Variants in ACBD3 observed in about 807,000 individuals in gnomAD.
ACBD3 encodes the protein acyl-CoA binding domain containing 3.
A neutral mutation model predicts 66.9 loss-of-function variants in ACBD3; 30 were observed. The ratio of observed to expected loss-of-function variants is 0.45; its 90% CI spans 0.34 to 0.61. The LOEUF is 0.61. Ranked by LOEUF, ACBD3 falls within the 20% of genes least tolerant of loss-of-function variation. The pLI, the probability that ACBD3 is intolerant of heterozygous loss-of-function variation, is 0.02. For missense variants in ACBD3, 544 were observed against 664.5 expected (o/e 0.82, Z 1.99); for synonymous variants, 278 against 259.8 (o/e 1.07, Z -0.68).
At chr1:226,173,919 C>G (rs1377495024) in intron 1 of ACBD3, among the ~76,000 whole-genome samples, 2 of 151,778 alleles carry the variant, frequency 1.3e-5, no homozygotes, top group Non-Finnish European at 2.9e-5. Flanking sequence ...TGCACTACCA[C>G]ACCTAGCTAA....
intron 1 of ACBD3, among the ~76,000 whole-genome samples, chr1:226,169,083 C>T (rs1376386967): frequency 2.0e-5 from 3 of 151,936 alleles, no homozygotes; most frequent in Admixed American, 2.0e-4. Flanking sequence ...GGCTGGTCTC[C>T]AACTTCTGAC....
Position 226,145,196 on chromosome 1 carries a change from G to A in ACBD3, c.*1414C>T, listed in dbSNP as rs1659424252. On this transcript the variant is annotated 3_prime_UTR_variant, in exon 8 of 8. Coordinates refer to ENST00000366812, the MANE Select transcript of ACBD3 (RefSeq NM_022735.4). The stretch of plus-strand genomic sequence containing the variant: ...GTTTCTGAACAACCAAAAGAGAACA[G>A]AGTTAGATATGTACAAAACCAGGTA... The A allele has an allele frequency of 6.6e-6, 1 of 152,398 alleles. No homozygotes were observed. Among genetic ancestry groups the A allele is most frequent in the African/African-American group, 2.4e-5 (1 of 41,376 alleles). 9.4% of individuals were successfully genotyped at this position (152,398 alleles called of 1,614,324 possible).
chr1:226,154,006 GC>G (rs1191159473), intron 6 of ACBD3, among the ~76,000 whole-genome samples: 1 of 152,158 alleles, frequency 6.6e-6, no homozygotes, highest in East Asian at 1.9e-4. Flanking sequence ...CAGGAATTGA[GC>G]TTCCAGCCAA....
chr1:226,176,569 T>A (rs1656038894), intron 1 of ACBD3, among the ~76,000 whole-genome samples: 1 of 152,218 alleles, frequency 6.6e-6, no homozygotes. Flanking sequence ...TTTGCTTTGC[T>A]TGTGGTCATA....
Position 226,152,556 on chromosome 1 carries a change from T to C in ACBD3, c.1154A>G (p.Glu385Gly). The C allele has an allele frequency of 1.9e-6, 3 of 1,614,224 alleles. No individual in the cohort carries two copies. Among genetic ancestry groups the C allele is most frequent in the Non-Finnish European group, 2.5e-6 (3 of 1,180,044 alleles). Residue 385 changes from glutamate (E) to glycine (G), a missense_variant, in exon 7 of 8, where the codon GAG becomes GGG. Transcript: ENST00000366812. ...WTRPQIKDFK[E>G]KIQQDADSVI... Reference sequence around the variant, plus strand: ...GGAATCTGCATCCTGCTGAATCTTCTCTTTGAAGTCTTTGATCTGAGGTCG... The same window carrying C: ...GGAATCTGCATCCTGCTGAATCTTCCCTTTGAAGTCTTTGATCTGAGGTCG...
In ACBD3 at chr1:226,154,852, T is replaced by C; in HGVS notation, c.904-19A>G. ...ATGCTGCCTACAAACCAAGAGAAAGTGAAGACACACTGACCAGGAAGGCTA... is the reference window on the plus strand; with the variant it reads ...ATGCTGCCTACAAACCAAGAGAAAGCGAAGACACACTGACCAGGAAGGCTA... On this transcript the variant is annotated intron_variant, in intron 5 of 7. Coordinates refer to ENST00000366812, the MANE Select transcript of ACBD3 (RefSeq NM_022735.4). The C allele has an allele frequency of 2.5e-6, 4 of 1,589,912 alleles. No individual in the cohort carries two copies. Among genetic ancestry groups the C allele is most frequent in the Non-Finnish European group, 3.4e-6 (4 of 1,166,744 alleles).
chr1:226,146,651 G>T lies in ACBD3; in HGVS notation c.1546C>A (p.Arg516=), dbSNP rs766741908. 4.3e-6 allele frequency: 7 copies of T among 1,613,722 alleles called. No individual in the cohort carries two copies. The highest frequency in any genetic ancestry group is 5.9e-6 in the Non-Finnish European group (7 of 1,179,970). ...ACTCTGTAGTAGACTGATTTTGACC[G>T]CCACAAAGAGTAGGAGTTGTCAAAC... ...LKFDNSYSLW[R]SKSVYYRVYY... Residue 516 remains arginine, a synonymous_variant, in exon 8 of 8, where the codon CGG becomes AGG. Coordinates refer to ENST00000366812, the MANE Select transcript of ACBD3 (RefSeq NM_022735.4).
In ACBD3 at chr1:226,145,246, A is replaced by G. The variant is rs954770086; in HGVS notation, c.*1364T>C. The G allele has an allele frequency of 6.6e-6, 1 of 152,630 alleles. No homozygotes were observed. Among genetic ancestry groups the G allele is most frequent in the Non-Finnish European group, 1.5e-5 (1 of 68,028 alleles). The allele number at this position is 152,630 out of a possible 1,614,324, so 9.5% of individuals were successfully genotyped here. ...ATTAAAAAACAGAAAGAAATACAGC[A>G]CACAAAAAACTCAAACAACCCATAT... On this transcript the variant is annotated 3_prime_UTR_variant, in exon 8 of 8. Transcript: ENST00000366812.
intron 1 of ACBD3, among the ~76,000 whole-genome samples, chr1:226,166,761 A>G (rs946967066): frequency 3.9e-5 from 6 of 152,088 alleles, no homozygotes; most frequent in African/African-American, 7.2e-5. Context: ...TGCTGGCATT[A>G]CAAGTGTGGA....
At chr1:226,162,880 T>G (rs1576234472) in intron 3 of ACBD3, among the ~76,000 whole-genome samples, 1 of 151,400 alleles carries the variant, frequency 6.6e-6, no homozygotes, top group East Asian at 1.9e-4. Context: ...CACTGCAACC[T>G]CCGCCTCCCA....
intron 7 of ACBD3, 69 bp from the exon 8 acceptor site, chr1:226,146,890 T>C (rs1659464932): frequency 6.9e-7 from 1 of 1,440,468 alleles, no homozygotes; most frequent in Non-Finnish European, 9.7e-7. Flanking sequence ...AATTAAAATC[T>C]ATCCTTTCTT....
intron 1 of ACBD3, among the ~76,000 whole-genome samples, chr1:226,183,009 T>C (rs1344948561): frequency 2.0e-5 from 3 of 152,224 alleles, no homozygotes; most frequent in East Asian, 1.9e-4. Flanking sequence ...TTAAGAATAG[T>C]TGACGTAATT....
chr1:226,154,835 T>C lies in ACBD3; in HGVS notation c.904-2A>G. Reference sequence around the variant, plus strand: ...TTCCTGTTGTTTCTGTAATGCTGCCTACAAACCAAGAGAAAGTGAAGACAC... The same window carrying C: ...TTCCTGTTGTTTCTGTAATGCTGCCCACAAACCAAGAGAAAGTGAAGACAC... On this transcript the variant is annotated splice_acceptor_variant, in intron 5 of 7. Transcript: ENST00000366812. LOFTEE classifies it high-confidence loss of function. The C allele has an allele frequency of 2.5e-6, 4 of 1,598,056 alleles. No individual in the cohort carries two copies. The highest frequency in any genetic ancestry group is 3.4e-6 in the Non-Finnish European group (4 of 1,171,444).
intron 1 of ACBD3, among the ~76,000 whole-genome samples, chr1:226,166,922 G>A (rs940086526): frequency 6.6e-6 from 1 of 151,594 alleles, no homozygotes; most frequent in Non-Finnish European, 1.5e-5. Flanking sequence ...TCAGCCTCCC[G>A]AGAAGCTGGG....
chr1:226,149,821 C>A (rs1659532970), intron 7 of ACBD3, among the ~76,000 whole-genome samples: 2 of 151,824 alleles, frequency 1.3e-5, no homozygotes, highest in South Asian at 4.2e-4. Context: ...AGATTACAGG[C>A]AGGGGCCACC....
intron 1 of ACBD3, among the ~76,000 whole-genome samples, chr1:226,182,641 A>T (rs898599815): frequency 6.6e-6 from 1 of 152,138 alleles, no homozygotes; most frequent in Non-Finnish European, 1.5e-5. Context: ...ATGGCATGCA[A>T]GTCCTTCCAA....
chr1:226,185,955 T>C (rs1191503528), intron 1 of ACBD3, among the ~76,000 whole-genome samples: 1 of 152,156 alleles, frequency 6.6e-6, no homozygotes, highest in African/African-American at 2.4e-5. Context: ...GACAGATTTC[T>C]TCCACTAAGG....
intron 1 of ACBD3, among the ~76,000 whole-genome samples, chr1:226,185,826 G>A (rs1394249340): frequency 2.0e-5 from 3 of 152,120 alleles, no homozygotes; most frequent in Admixed American, 6.6e-5. Flanking sequence ...AGCCGGAGAG[G>A]ATGATGAGCT....
chr1:226,173,749 T>C (rs1655923311), intron 1 of ACBD3, among the ~76,000 whole-genome samples: 1 of 136,898 alleles, frequency 7.3e-6, no homozygotes, highest in Non-Finnish European at 1.5e-5. Context: ...CTTCTTTTTT[T>C]TTCTTTTCTT....
Sources: gnomAD v4.1 joint callset for allele counts (sites outside exome capture counted in the v4.1 genomes callset) on GRCh38, gnomAD v4.1.1 for gene constraint, MANE v1.5 for transcripts, NCBI Gene and HGNC (gene_info 2026-07-23, HGNC 2026-07-21) for gene names.